EIF3A: variants seen among roughly 807,000 people sequenced by gnomAD.
EIF3A encodes EIF3, p180 subunit.
A neutral mutation model predicts 186.6 loss-of-function variants in EIF3A; 21 were observed. The ratio of observed to expected loss-of-function variants is 0.11; its 90% CI spans 0.08 to 0.16. The LOEUF (loss-of-function observed/expected upper bound fraction) is 0.16, where lower values mean the gene tolerates loss of function less well. EIF3A is among the 10% of genes least tolerant of loss of function. EIF3A has a pLI of 1.00. For missense variants in EIF3A, 1,306 were observed against 1,796.3 expected (o/e 0.73, Z 4.93); for synonymous variants, 563 against 584.3 (o/e 0.96, Z 0.52).
intron 4 of EIF3A, 116 bp downstream of exon 4, chr10:119,072,774 G>T: frequency 1.5e-6 from 2 of 1,292,306 alleles, no homozygotes; most frequent in Non-Finnish European, 2.1e-6. Context: ...TAATACTCAT[G>T]TGAATGCCAA....
At chr10:119,076,573 G>C (rs894192242) in intron 1 of EIF3A, among the ~76,000 whole-genome samples, 8 of 151,754 alleles carry the variant, frequency 5.3e-5, no homozygotes, top group African/African-American at 9.7e-5. Context: ...TGTCAGGGGT[G>C]GGGGTGGGAG....
chr10:119,070,739 G>C (rs1449457799), intron 5 of EIF3A, 147 bp downstream of exon 5: 1 of 629,412 alleles, frequency 1.6e-6, no homozygotes, highest in Non-Finnish European at 2.8e-6. Flanking sequence ...TTCTTGTTCA[G>C]AACTTTTCCC....
At chr10:119,050,873 A>G (rs1316754620) in intron 15 of EIF3A, among the ~76,000 whole-genome samples, 199 bp from the exon 16 acceptor site, 1 of 152,240 alleles carries the variant, frequency 6.6e-6, no homozygotes, top group Non-Finnish European at 1.5e-5. Context: ...AATTGTTGAT[A>G]TTACCTACCT....
intron 21 of EIF3A, among the ~76,000 whole-genome samples, chr10:119,036,856 AT>A (rs1333199575): frequency 1.3e-5 from 2 of 152,046 alleles, no homozygotes; most frequent in Non-Finnish European, 2.9e-5. Context: ...TTAAATAACA[AT>A]TTTTTTCATT....
intron 15 of EIF3A, 124 bp downstream of exon 15, chr10:119,051,075 A>C: frequency 1.2e-6 from 1 of 830,102 alleles, no homozygotes; most frequent in South Asian, 2.5e-5. Flanking sequence ...AAAAATTTCT[A>C]TTATTTGAAT....
At chr10:119,078,504 A>C (rs1844210700) in intron 1 of EIF3A, among the ~76,000 whole-genome samples, 1 of 152,118 alleles carries the variant, frequency 6.6e-6, no homozygotes, top group African/African-American at 2.4e-5. Context: ...AATTAGGGGA[A>C]TGCCCTTTGA....
chr10:119,056,341 T>TGG (rs1843783323), intron 14 of EIF3A, among the ~76,000 whole-genome samples: 1 of 152,152 alleles, frequency 6.6e-6, no homozygotes, highest in African/African-American at 2.4e-5. Context: ...TGCCTAGGGC[T>TGG]GGGGTGGTGG....
At chr10:119,044,399 C>T (rs1010612378) in intron 17 of EIF3A, among the ~76,000 whole-genome samples, 1 of 151,788 alleles carries the variant, frequency 6.6e-6, no homozygotes, top group Non-Finnish European at 1.5e-5. Context: ...TACACCTCTA[C>T]AGATTTCCTT....
intron 17 of EIF3A, among the ~76,000 whole-genome samples, chr10:119,048,818 C>A (rs1452340455): frequency 6.6e-6 from 1 of 152,060 alleles, no homozygotes; most frequent in Non-Finnish European, 1.5e-5. Flanking sequence ...ATTACAGGTG[C>A]TGCCACCGCA....
chr10:119,062,914 A>ATT (rs777014802), intron 7 of EIF3A, among the ~76,000 whole-genome samples: 1 of 144,068 alleles, frequency 6.9e-6, no homozygotes, highest in African/African-American at 2.5e-5. Context: ...TGCCCAGCTA[A>ATT]TTTTTTTTTT....
chr10:119,075,499 T>C (rs994459880), intron 1 of EIF3A, among the ~76,000 whole-genome samples: 1 of 150,660 alleles, frequency 6.6e-6, no homozygotes, highest in Non-Finnish European at 1.5e-5. Context: ...TTATTTAACC[T>C]AAGTCAACTG....
chr10:119,066,021 C>G (rs1213413321), intron 6 of EIF3A, among the ~76,000 whole-genome samples: 1 of 151,850 alleles, frequency 6.6e-6, no homozygotes, highest in East Asian at 1.9e-4. Flanking sequence ...GAGGCTGAGG[C>G]AGGAGAATCG....
Position 119,073,945 on chromosome 10 carries a change from A to G in EIF3A, c.50-8T>C. On this transcript the variant is annotated splice_polypyrimidine_tract_variant and splice_region_variant and intron_variant, in intron 1 of 21. Coordinates refer to ENST00000369144, the MANE Select transcript of EIF3A (RefSeq NM_003750.4). ...TGCCAACCTCAAGAAATTCTGAAAAATTCAGAAGAATTAAAATTAGTTATG... is the reference window on the plus strand; with the variant it reads ...TGCCAACCTCAAGAAATTCTGAAAAGTTCAGAAGAATTAAAATTAGTTATG... 2 of 1,582,170 alleles carry G rather than the reference A, an allele frequency of 1.3e-6. No homozygotes were observed. The highest frequency in any genetic ancestry group is 8.6e-7 in the Non-Finnish European group (1 of 1,165,602).
At chr10:119,052,439 T>C (rs1848372002) in intron 14 of EIF3A, among the ~76,000 whole-genome samples, 2 of 140,226 alleles carry the variant, frequency 1.4e-5, no homozygotes, top group South Asian at 4.5e-4. Context: ...AGCACTGGAG[T>C]GCAATGGCAC....
At chr10:119,047,441 C>CA (rs1012625750) in intron 17 of EIF3A, among the ~76,000 whole-genome samples, 21 of 151,534 alleles carry the variant, frequency 1.4e-4, no homozygotes, top group African/African-American at 2.9e-4. Context: ...TAAACTCTCC[C>CA]AAAAAAAAGG....
At chr10:119,056,294 G>A (rs1396326984) in intron 14 of EIF3A, among the ~76,000 whole-genome samples, 1 of 152,160 alleles carries the variant, frequency 6.6e-6, no homozygotes, top group Non-Finnish European at 1.5e-5. Flanking sequence ...AAAATGTCCA[G>A]AATCAGCAAA....
At chr10:119,048,151 G>A (rs1848306135) in intron 17 of EIF3A, among the ~76,000 whole-genome samples, 3 of 136,262 alleles carry the variant, frequency 2.2e-5, no homozygotes. Context: ...TCTCAGTAAT[G>A]AGTACCAACC....
rs1250199014 is a variant in EIF3A, at chr10:119,058,253, A to G, written c.1680T>C (p.Asn560=). 5 of 1,610,680 alleles carry G rather than the reference A, an allele frequency of 3.1e-6. No individual in the cohort carries two copies. Among genetic ancestry groups the G allele is most frequent in the Middle Eastern group, 1.7e-4 (1 of 5,852 alleles). ...HQLAVTAYLK[N]SRKEHQRILA... ...GGATCCGCTGGTGCTCTTTTCGTGAATTTTTAAGGTATGCAGTGACAGCCA... is the reference window on the plus strand; with the variant it reads ...GGATCCGCTGGTGCTCTTTTCGTGAGTTTTTAAGGTATGCAGTGACAGCCA... The change falls in exon 12 of 22, where the codon AAT becomes AAC. Residue 560 remains asparagine (N), a synonymous_variant. Transcript: ENST00000369144.
At chr10:119,080,119 G>C (rs1278759226) in intron 1 of EIF3A, among the ~76,000 whole-genome samples, 2 of 152,256 alleles carry the variant, frequency 1.3e-5, no homozygotes, top group East Asian at 1.9e-4. Flanking sequence ...CTTGGAGAGC[G>C]GGGGTGGCTG....
Sources: gnomAD v4.1 joint callset for allele counts (sites outside exome capture counted in the v4.1 genomes callset) on GRCh38, gnomAD v4.1.1 for gene constraint, MANE v1.5 for transcripts, NCBI Gene and HGNC (gene_info 2026-07-23, HGNC 2026-07-21) for gene names.